NTRK1: variants seen among roughly 807,000 people sequenced by gnomAD.
NTRK1 encodes high affinity nerve growth factor receptor.
Under a neutral mutation model 86.8 loss-of-function variants are expected in NTRK1, and 62 were observed. That is an observed-to-expected ratio of 0.71 (90% CI 0.58 to 0.88). The LOEUF (loss-of-function observed/expected upper bound fraction) is 0.88. Among genes scored for constraint, NTRK1 ranks in the 40% least tolerant of loss-of-function variants. The pLI is 0.00. For missense variants in NTRK1, 967 were observed against 1,078.4 expected, an observed-to-expected ratio of 0.90 and a Z score of 1.45; for synonymous variants, 469 against 456.6, an observed-to-expected ratio of 1.03 and a Z score of -0.35.
intron 1 of NTRK1, chr1:156,840,670 C>T (rs891299502): frequency 1.0e-5 from 6 of 602,198 alleles, no homozygotes; most frequent in South Asian, 4.0e-5. Context: ...TGCTCTCCCC[C>T]GAGGGACTCA....
At chr1:156,816,797 T>G (rs1449335739) in intron 1 of NTRK1, 1 of 1,262,060 alleles carries the variant, frequency 7.9e-7, no homozygotes, top group East Asian at 2.8e-5. Flanking sequence ...ATCTCTCCTC[T>G]CACCCTGGCC....
intron 5 of NTRK1, 100 bp from the exon 6 acceptor site, chr1:156,868,405 G>A (rs1647303856): frequency 1.3e-6 from 2 of 1,540,058 alleles, no homozygotes; most frequent in Non-Finnish European, 1.8e-6. Flanking sequence ...TGGGCTCCAG[G>A]TCATTGAGGA....
intron 2 of NTRK1, among the ~76,000 whole-genome samples, chr1:156,850,617 C>G (rs575241231): frequency 7.3e-6 from 1 of 136,894 alleles, no homozygotes; most frequent in African/African-American, 2.8e-5. Context: ...TGCAGTGGCA[C>G]GATTTCGGCT....
chr1:156,863,806 G>T (rs964894670), intron 1 of NTRK1, among the ~76,000 whole-genome samples: 1 of 152,292 alleles, frequency 6.6e-6, no homozygotes. Context: ...GCAGGGATAA[G>T]CCTTGGCCTT....
chr1:156,849,726 C>A (rs1196739090), intron 2 of NTRK1, among the ~76,000 whole-genome samples: 1 of 152,060 alleles, frequency 6.6e-6, no homozygotes, highest in East Asian at 1.9e-4. Context: ...CCCATCCTTC[C>A]CTCGACTCTC....
At chr1:156,872,365 C>T (rs1647613353) in intron 7 of NTRK1, among the ~76,000 whole-genome samples, 1 of 152,138 alleles carries the variant, frequency 6.6e-6, no homozygotes, top group African/African-American at 2.4e-5. Flanking sequence ...TAACCATTTC[C>T]TTGCTTTTAA....
At chr1:156,838,834 G>T (rs908905712) in intron 1 of NTRK1, among the ~76,000 whole-genome samples, 2 of 152,240 alleles carry the variant, frequency 1.3e-5, no homozygotes, top group African/African-American at 4.8e-5. Context: ...CACTGTGAGG[G>T]TTAGGGGGCA....
intron 1 of NTRK1, among the ~76,000 whole-genome samples, chr1:156,825,453 A>G (rs991945259): frequency 7.2e-5 from 11 of 152,220 alleles, no homozygotes; most frequent in African/African-American, 2.7e-4. Flanking sequence ...CCAATATAGC[A>G]AGAATAATAT....
chr1:156,867,373 C>T (rs768698821), intron 4 of NTRK1, among the ~76,000 whole-genome samples: 13 of 152,252 alleles, frequency 8.5e-5, no homozygotes, highest in South Asian at 2.1e-4. Context: ...CCCTCCTTGT[C>T]ACCATGCTGA....
intron 2 of NTRK1, 45 bp from the exon 3 acceptor site, chr1:156,864,683 G>A (rs150614664): frequency 6.2e-7 from 1 of 1,604,426 alleles, no homozygotes; most frequent in Non-Finnish European, 8.5e-7. Context: ...CAGGGGCCCA[G>A]AGTAGCTGAG....
rs1057522997 is a variant in NTRK1, at chr1:156,864,731, C to T, written c.291C>T (p.Thr97=). ...ATCCTCCTGCACCCCTCCCCAGCACCATCGTGAAGAGTGGTCTCCGTTTCG... is the reference window on the plus strand; with the variant it reads ...ATCCTCCTGCACCCCTCCCCAGCACTATCGTGAAGAGTGGTCTCCGTTTCG... ...LRGLGELRNL[T]IVKSGLRFVA... Residue 97 remains threonine, a synonymous_variant, in exon 3 of 17, where the codon ACC becomes ACT. Transcript: ENST00000524377. 6.2e-7 allele frequency: 1 copy of T among 1,614,058 alleles called. No homozygotes were observed. Among genetic ancestry groups the T allele is most frequent in the Non-Finnish European group, 8.5e-7 (1 of 1,179,980 alleles).
At chr1:156,852,201 G>A in intron 2 of NTRK1, 2 of 1,580,146 alleles carry the variant, frequency 1.3e-6, no homozygotes, top group Non-Finnish European at 8.6e-7. Flanking sequence ...ACTGTGGGGA[G>A]AGTGGTGTGT....
At chr1:156,873,094 G>C (rs1222518850) in intron 7 of NTRK1, among the ~76,000 whole-genome samples, 1 of 149,386 alleles carries the variant, frequency 6.7e-6, no homozygotes, top group Non-Finnish European at 1.5e-5. Flanking sequence ...CTGTTGCCCA[G>C]GCTGGAATGC....
At chr1:156,871,533 C>T in intron 6 of NTRK1, 90 bp from the exon 7 acceptor site, 1 of 1,442,968 alleles carries the variant, frequency 6.9e-7, no homozygotes, top group Non-Finnish European at 9.6e-7. Context: ...TCCTTTCCAT[C>T]TGGAGCCAGA....
chr1:156,830,379 C>T (rs1654436531), intron 1 of NTRK1, among the ~76,000 whole-genome samples: 1 of 152,116 alleles, frequency 6.6e-6, no homozygotes. Flanking sequence ...TGTGCCTCGA[C>T]ATTTCACTGG....
intron 2 of NTRK1, among the ~76,000 whole-genome samples, chr1:156,852,781 C>T (rs1342491344): frequency 4.6e-5 from 7 of 152,232 alleles, no homozygotes; most frequent in African/African-American, 1.7e-4. Flanking sequence ...AGGGGTCAGC[C>T]AGGTCGTGTT....
In NTRK1 at chr1:156,881,345, C is replaced by T. The variant is rs765790644; in HGVS notation, c.2206-112C>T. ...TCGGGTTATTAGCAGCTAAGAAGCCCAGACGAGTAGTGTGAGCTGCCTTGG... is the reference window on the plus strand; with the variant it reads ...TCGGGTTATTAGCAGCTAAGAAGCCTAGACGAGTAGTGTGAGCTGCCTTGG... On this transcript the variant is annotated intron_variant, in intron 16 of 16. Transcript: ENST00000524377. The T allele has an allele frequency of 1.4e-4, 141 of 1,035,194 alleles. 1 individual carries two copies. In the Admixed American group the frequency reaches 1.8e-3, roughly 13 times the overall value. The allele number at this position is 1,035,194 out of a possible 1,614,324, so 64.1% of individuals were successfully genotyped here. A position where few individuals can be genotyped will look rare whatever the true frequency, so the allele number is the denominator to read the frequency against.
intron 1 of NTRK1, among the ~76,000 whole-genome samples, chr1:156,829,112 AC>A (rs1025303283): frequency 3.4e-4 from 52 of 152,296 alleles, no homozygotes; most frequent in African/African-American, 1.2e-3. Context: ...AAATTTATGA[AC>A]AAATAGGAAA....
rs752843641 is a variant in NTRK1, at chr1:156,843,136, T to C, written c.50+943T>C. The C allele has an allele frequency of 4.3e-6, 7 of 1,614,160 alleles. No individual in the cohort carries two copies. The Admixed American group carries it at 1.0e-4, about 23-fold the overall frequency. On this transcript the variant is annotated intron_variant, in intron 2 of 16. Transcript: ENST00000392302. ...ACTCCTCTCCAGCCTCAAGTCCTCG[T>C]GCCAGCCCCTCATATACCATCCCAA... is the stretch of plus-strand genomic sequence containing the variant.
Sources: gnomAD v4.1 joint callset for allele counts (sites outside exome capture counted in the v4.1 genomes callset) on GRCh38, gnomAD v4.1.1 for gene constraint, MANE v1.5 for transcripts, NCBI Gene and HGNC (gene_info 2026-07-23, HGNC 2026-07-21) for gene names.